The following NLRP11 variants were observed in gnomAD, a reference collection of about 807,000 sequenced individuals.
NLRP11 encodes NACHT, LRR and PYD domains-containing protein 11.
Under a neutral mutation model 79.3 loss-of-function variants are expected in NLRP11, and 53 were observed. The ratio of observed to expected loss-of-function variants is 0.67; its 90% confidence interval spans 0.54 to 0.84. The LOEUF is 0.84. NLRP11 is among the 40% of genes least tolerant of loss of function. The pLI, the probability that NLRP11 is intolerant of heterozygous loss-of-function variation, is 0.00. For synonymous variants in NLRP11, 518 were observed against 462.6 expected (o/e 1.12, Z -1.54); for missense variants, 1,264 against 1,255.0 (o/e 1.01, Z -0.11).
At chr19:55,785,564 A>T in exon 10 of NLRP11, 1 of 1,473,986 alleles carries the variant, frequency 6.8e-7, no homozygotes, top group Non-Finnish European at 9.2e-7. Flanking sequence ...TATAGTCCTA[A>T]TTCTCTTGCA....
At chr19:55,808,919 G>A (rs1393983393) in exon 3 of NLRP11, 5 of 1,613,924 alleles carry the variant, frequency 3.1e-6, no homozygotes, top group East Asian at 4.5e-5. Context: ...CTCCATGAGA[G>A]CATCCACAAT....
At chr19:55,817,525 C>G (rs1270089710) in intron 2 of NLRP11, among the ~76,000 whole-genome samples, 2 of 152,010 alleles carry the variant, frequency 1.3e-5, no homozygotes, top group Non-Finnish European at 2.9e-5. Flanking sequence ...GCATTTGCAG[C>G]AAGCTGGATG....
At chr19:55,786,147 A>C (rs1311519511) in intron 9 of NLRP11, among the ~76,000 whole-genome samples, 1 of 152,246 alleles carries the variant, frequency 6.6e-6, no homozygotes. Context: ...CTTTACATGC[A>C]TCTCACATTA....
At chr19:55,792,376 T>G in exon 7 of NLRP11, 1 of 1,614,156 alleles carries the variant, frequency 6.2e-7, no homozygotes, top group Non-Finnish European at 8.5e-7. Context: ...TTTTAAGCGA[T>G]TCACACACAG....
intron 6 of NLRP11, among the ~76,000 whole-genome samples, chr19:55,795,052 C>A (rs1363496849): frequency 6.6e-6 from 1 of 152,038 alleles, no homozygotes; most frequent in South Asian, 2.1e-4. Flanking sequence ...TTAAATACAC[C>A]GAGCTACTTA....
At chr19:55,787,497 C>A (rs566287363) in intron 9 of NLRP11, among the ~76,000 whole-genome samples, 2 of 152,082 alleles carry the variant, frequency 1.3e-5, no homozygotes, top group African/African-American at 4.8e-5. Context: ...TCACTACGCC[C>A]GGCTAACTTT....
intron 9 of NLRP11, 95 bp from the exon 10 acceptor site, chr19:55,785,966 G>T: frequency 7.5e-7 from 1 of 1,336,906 alleles, no homozygotes; most frequent in Non-Finnish European, 1.0e-6. Context: ...CATCCTTTGG[G>T]TATTCTTGGG....
At chr19:55,810,312 T>A (rs1447119532) in exon 3 of NLRP11, 3 of 1,612,078 alleles carry the variant, frequency 1.9e-6, no homozygotes, top group Non-Finnish European at 2.5e-6. Context: ...TTTCTCCTCA[T>A]GACAGCTTTG....
chr19:55,803,137 A>C (rs1043556442), intron 4 of NLRP11, among the ~76,000 whole-genome samples: 1 of 152,160 alleles, frequency 6.6e-6, no homozygotes, highest in Admixed American at 6.5e-5. Context: ...TCACAAGGTC[A>C]GGAGTTCAAG....
rs746493018 is a variant in NLRP11, at chr19:55,809,228, G to A, written c.1382C>T (p.Ala461Val). Residue 461 changes from alanine (A) to valine (V), a missense_variant, in exon 3 of 10, where the codon GCA (alanine) becomes GTA (valine). Transcript: ENST00000589093. The surrounding 1 kb of genome is among the most constrained non-coding windows in gnomAD (Gnocchi z 4.5). ...ATAGTTGGGTACTGCCATCAGAAAT[G>A]CAATGGCTGTACAAAACTCCTGGAC... 24 of 1,613,500 alleles carry A rather than the reference G, an allele frequency of 1.5e-5. No homozygotes were observed. The highest frequency in any genetic ancestry group is 1.9e-5 in the Non-Finnish European group (23 of 1,179,550).
intron 2 of NLRP11, among the ~76,000 whole-genome samples, chr19:55,817,285 A>G (rs1981221360): frequency 6.6e-6 from 1 of 152,164 alleles, no homozygotes; most frequent in Admixed American, 6.5e-5. Context: ...AAAGAACTAA[A>G]AGTAGAACGA....
Position 55,830,002 on chromosome 19 carries a change from G to C in NLRP11, c.-63+1961C>G, listed in dbSNP as rs558400796. On this transcript the variant is annotated intron_variant, in intron 1 of 9. Transcript: ENST00000589093. Reference sequence around the variant, plus strand: ...TTTTTAAGTATTTCTAGGCTGCCTGGTTCATCTACAAGTTGTCATACATCT... The same window carrying C: ...TTTTTAAGTATTTCTAGGCTGCCTGCTTCATCTACAAGTTGTCATACATCT... 7.4e-4 allele frequency among the ~76,000 whole-genome samples: 113 copies of C among 152,176 alleles called. 2 individuals carry two copies. Among genetic ancestry groups the C allele is most frequent in the African/African-American group, 2.6e-3 (109 of 41,502 alleles).
chr19:55,811,033 T>A (rs1365336661), intron 2 of NLRP11, among the ~76,000 whole-genome samples: 1 of 152,174 alleles, frequency 6.6e-6, no homozygotes, highest in East Asian at 1.9e-4. Flanking sequence ...CAGGGACTGT[T>A]TCCTGGTACG....
At chr19:55,790,825 A>T (rs1443903310) in intron 7 of NLRP11, among the ~76,000 whole-genome samples, 1 of 152,226 alleles carries the variant, frequency 6.6e-6, no homozygotes, top group African/African-American at 2.4e-5. Context: ...ATGATGTGCC[A>T]ACCACATCCA....
intron 2 of NLRP11, among the ~76,000 whole-genome samples, chr19:55,814,801 C>T (rs8101265): frequency 0.17 from 25,905 of 152,028 alleles, 2,268 homozygotes; most frequent in East Asian, 0.29. Context: ...CTAGGACACA[C>T]GGGATTCATC....
At chr19:55,829,430 C>T (rs555772717) in intron 1 of NLRP11, among the ~76,000 whole-genome samples, 4 of 151,764 alleles carry the variant, frequency 2.6e-5, no homozygotes, top group African/African-American at 4.8e-5. Context: ...TTTGGGAGGC[C>T]GAGGAGGGCA....
intron 1 of NLRP11, among the ~76,000 whole-genome samples, chr19:55,819,353 T>C (rs766842425): frequency 1.1e-4 from 17 of 152,232 alleles, no homozygotes; most frequent in Non-Finnish European, 2.2e-4. Context: ...TGTGTGCAAC[T>C]GCCACCCCTT....
chr19:55,803,898 A>G (rs1247760206), intron 4 of NLRP11, among the ~76,000 whole-genome samples: 1 of 152,188 alleles, frequency 6.6e-6, no homozygotes, highest in East Asian at 1.9e-4. Context: ...TCTGGCCAAC[A>G]TGGTGAAACC....
At chr19:55,802,200 C>T (rs1278971285) in intron 4 of NLRP11, among the ~76,000 whole-genome samples, 1 of 150,272 alleles carries the variant, frequency 6.7e-6, no homozygotes, top group African/African-American at 2.5e-5. Flanking sequence ...TAAATGGCAT[C>T]CAAATAGGAA....
Sources: allele counts gnomAD v4.1 joint callset (sites outside exome capture counted in the v4.1 genomes callset), GRCh38; gene constraint gnomAD v4.1.1; non-coding constraint Gnocchi (gnomAD v3.1); transcripts MANE v1.5; gene names NCBI Gene and HGNC (gene_info 2026-07-23, HGNC 2026-07-21).